The following RAB3C variants were observed in gnomAD, a reference collection of about 807,000 sequenced individuals.
The protein encoded by RAB3C is ras-related protein Rab-3C.
In RAB3C, 17 loss-of-function variants were observed where a neutral mutation model predicts 26.4. That is an observed-to-expected ratio of 0.64 (90% confidence interval 0.44 to 0.97). RAB3C has a LOEUF of 0.97. RAB3C is among the 50% of genes least tolerant of loss of function. The pLI is 0.00. For synonymous variants in RAB3C, 91 were observed against 95.9 expected (o/e 0.95, Z 0.30); for missense variants, 242 against 281.9 (o/e 0.86, Z 1.01).
At chr5:58,777,864 G>A (rs568765251) in intron 3 of RAB3C, among the ~76,000 whole-genome samples, 101 of 151,826 alleles carry the variant, frequency 6.7e-4, no homozygotes, top group African/African-American at 2.1e-3. Flanking sequence ...TTGTCCTTGC[G>A]ATAGTTTTCT....
intron 1 of RAB3C, among the ~76,000 whole-genome samples, chr5:58,611,179 G>A (rs10041831): frequency 0.13 from 19,893 of 152,026 alleles, 1,677 homozygotes; most frequent in South Asian, 0.2. Context: ...TGAATAGGGC[G>A]ATAATGAACA....
chr5:58,662,553 C>T (rs563440880), intron 2 of RAB3C, among the ~76,000 whole-genome samples: 1 of 150,222 alleles, frequency 6.7e-6, no homozygotes, highest in East Asian at 1.9e-4. Context: ...ATTAATAAGA[C>T]CATTTATCAG....
At chr5:58,810,374 T>TCTCTCTCA (rs35111075) in intron 3 of RAB3C, among the ~76,000 whole-genome samples, 3 of 146,378 alleles carry the variant, frequency 2.0e-5, no homozygotes. Context: ...GCTCTCTCTC[T>TCTCTCTCA]CTCTCTCTCT....
At chr5:58,670,615 A>G (rs951846831) in intron 2 of RAB3C, among the ~76,000 whole-genome samples, 2 of 152,220 alleles carry the variant, frequency 1.3e-5, no homozygotes, top group Non-Finnish European at 2.9e-5. Context: ...AATGTTATCA[A>G]AGACAAATTA....
At chr5:58,797,175 T>C (rs2112021466) in intron 3 of RAB3C, among the ~76,000 whole-genome samples, 1 of 151,670 alleles carries the variant, frequency 6.6e-6, no homozygotes, top group Admixed American at 6.6e-5. Context: ...TTAGTGGCTA[T>C]GTGTACTTGG....
chr5:58,767,867 G>T (rs1385828971), intron 3 of RAB3C, among the ~76,000 whole-genome samples: 1 of 152,114 alleles, frequency 6.6e-6, no homozygotes, highest in Non-Finnish European at 1.5e-5. Context: ...GAAAAATATG[G>T]GTGATAAGAG....
At chr5:58,762,803 T>A (rs973992691) in intron 3 of RAB3C, among the ~76,000 whole-genome samples, 1 of 152,220 alleles carries the variant, frequency 6.6e-6, no homozygotes, top group Admixed American at 6.5e-5. Context: ...TACTAATAAC[T>A]AGCCATCTGA....
chr5:58,802,019 A>T (rs890395523), intron 3 of RAB3C, among the ~76,000 whole-genome samples: 15 of 152,234 alleles, frequency 9.9e-5, no homozygotes, highest in African/African-American at 3.6e-4. Context: ...ACTGACATAC[A>T]TTGTTCTTAC....
intron 3 of RAB3C, among the ~76,000 whole-genome samples, chr5:58,747,670 C>G (rs1302335421): frequency 6.6e-6 from 1 of 151,798 alleles, no homozygotes; most frequent in Non-Finnish European, 1.5e-5. Context: ...GCTATCTATA[C>G]CAGGGCGCCA....
At chr5:58,677,976 T>TTTTG (rs142179130) in intron 2 of RAB3C, among the ~76,000 whole-genome samples, 2 of 147,782 alleles carry the variant, frequency 1.4e-5, no homozygotes, top group Non-Finnish European at 3.0e-5. Flanking sequence ...CTAGATTATT[T>TTTTG]TGTGTGTGTG....
chr5:58,626,154 A>G (rs1361361755), intron 2 of RAB3C, among the ~76,000 whole-genome samples: 1 of 152,162 alleles, frequency 6.6e-6, no homozygotes, highest in Non-Finnish European at 1.5e-5. Context: ...GTCCGTCTTC[A>G]TGTTTCTAGC....
chr5:58,634,386 G>C (rs1367363660), intron 2 of RAB3C, among the ~76,000 whole-genome samples: 1 of 152,106 alleles, frequency 6.6e-6, no homozygotes, highest in South Asian at 2.1e-4. Flanking sequence ...AAACTGTCTG[G>C]GTTCAAATGC....
At chr5:58,821,742 C>T (rs6897304) in intron 3 of RAB3C, among the ~76,000 whole-genome samples, 2,333 of 152,280 alleles carry the variant, frequency 0.015, 55 homozygotes, top group African/African-American at 0.051. Flanking sequence ...CTTAGATGTA[C>T]TTGGTTCAGG....
At chr5:58,716,098 A>T (rs1483091633) in intron 2 of RAB3C, among the ~76,000 whole-genome samples, 1 of 151,850 alleles carries the variant, frequency 6.6e-6, no homozygotes, top group Non-Finnish European at 1.5e-5. Context: ...CAGGAAAAAA[A>T]AAAAAGAAAT....
intron 2 of RAB3C, among the ~76,000 whole-genome samples, chr5:58,625,884 T>C (rs572025200): frequency 6.6e-5 from 10 of 151,080 alleles, no homozygotes; most frequent in Non-Finnish European, 1.5e-4. Flanking sequence ...TGGAATACCA[T>C]AGTTTTGGTA....
At chr5:58,673,516 A>G (rs1748165756) in intron 2 of RAB3C, among the ~76,000 whole-genome samples, 1 of 151,370 alleles carries the variant, frequency 6.6e-6, no homozygotes, top group African/African-American at 2.4e-5. Flanking sequence ...ATTTATGACA[A>G]TCTCTTAAAG....
At chr5:58,822,163 G>A (rs983370238) in intron 3 of RAB3C, among the ~76,000 whole-genome samples, 1 of 152,136 alleles carries the variant, frequency 6.6e-6, no homozygotes, top group African/African-American at 2.4e-5. Flanking sequence ...TCAGCTTCCT[G>A]TAGATAACAA....
intron 3 of RAB3C, among the ~76,000 whole-genome samples, chr5:58,736,037 A>G (rs1741126376): frequency 6.6e-6 from 1 of 152,190 alleles, no homozygotes; most frequent in Non-Finnish European, 1.5e-5. Context: ...AGGCTCTTCA[A>G]CAATTTTTGA....
At chr5:58,662,344 C>A (rs1444630126) in intron 2 of RAB3C, among the ~76,000 whole-genome samples, 1 of 150,154 alleles carries the variant, frequency 6.7e-6, no homozygotes, top group Non-Finnish European at 1.5e-5. Flanking sequence ...GTAGAGTTTT[C>A]TTCATGCTGA....
Sources: gnomAD v4.1 joint callset for allele counts (sites outside exome capture counted in the v4.1 genomes callset) on GRCh38, gnomAD v4.1.1 for gene constraint, MANE v1.5 for transcripts, NCBI Gene and HGNC (gene_info 2026-07-23, HGNC 2026-07-21) for gene names.